BNC2: variants seen among roughly 807,000 people sequenced by gnomAD.
The protein encoded by BNC2 is basonuclin zinc finger protein 2, also known as zinc finger protein basonuclin-2.
A neutral mutation model predicts 76.3 loss-of-function variants in BNC2; 20 were observed. That is an observed-to-expected ratio of 0.26 (90% CI 0.18 to 0.38). The LOEUF (loss-of-function observed/expected upper bound fraction) is 0.38. Among genes scored for constraint, BNC2 ranks in the 10% least tolerant of loss-of-function variants. The pLI, the probability that BNC2 is intolerant of heterozygous loss-of-function variation, is 1.00. For synonymous variants in BNC2, 582 were observed against 514.8 expected (o/e 1.13, Z -1.77); for missense variants, 1,382 against 1,399.8 (o/e 0.99, Z 0.20).
chr9:16,428,159 A>C (rs537679011), intron 6 of BNC2, among the ~76,000 whole-genome samples: 13 of 152,182 alleles, frequency 8.5e-5, no homozygotes, highest in Non-Finnish European at 1.6e-4. Context: ...ATAGAACAAA[A>C]GTGCTCTCTC....
intron 6 of BNC2, among the ~76,000 whole-genome samples, chr9:16,424,525 T>A (rs1199227820): frequency 6.6e-6 from 1 of 152,168 alleles, no homozygotes; most frequent in African/African-American, 2.4e-5. Flanking sequence ...ACACACACAT[T>A]CACAAATTCT....
intron 3 of BNC2, among the ~76,000 whole-genome samples, chr9:16,671,800 C>A (rs948217173): frequency 6.6e-6 from 1 of 152,198 alleles, no homozygotes; most frequent in Non-Finnish European, 1.5e-5. Context: ...ACTGGTTTGA[C>A]AAGTACTGTT....
chr9:16,864,496 G>C (rs547512806), intron 1 of BNC2, among the ~76,000 whole-genome samples: 1 of 152,216 alleles, frequency 6.6e-6, no homozygotes, highest in African/African-American at 2.4e-5. Flanking sequence ...GACAAGCCCC[G>C]CACAGGCAAA....
intron 4 of BNC2, among the ~76,000 whole-genome samples, chr9:16,559,964 A>G (rs568378908): frequency 5.9e-5 from 9 of 152,378 alleles, no homozygotes; most frequent in Non-Finnish European, 1.0e-4. Flanking sequence ...AGAGAGGGCA[A>G]TGCTGCCGGG....
chr9:16,726,240 A>G (rs1417097054), intron 3 of BNC2, among the ~76,000 whole-genome samples: 1 of 152,240 alleles, frequency 6.6e-6, no homozygotes, highest in Non-Finnish European at 1.5e-5. Flanking sequence ...GAAATTGCAC[A>G]TGAAGAGTTA....
intron 1 of BNC2, among the ~76,000 whole-genome samples, chr9:16,848,998 T>C (rs967411042): frequency 1.3e-5 from 2 of 152,170 alleles, no homozygotes; most frequent in African/African-American, 4.8e-5. Context: ...TACCCCATTA[T>C]GTAAATGTAA....
intron 3 of BNC2, among the ~76,000 whole-genome samples, chr9:16,645,546 T>A (rs1821600194): frequency 6.6e-6 from 1 of 152,118 alleles, no homozygotes; most frequent in Admixed American, 6.5e-5. Context: ...GTCCAGAAAG[T>A]ATTTGTGGGA....
rs766109513 is a variant in BNC2 at position 16,419,477 on chromosome 9, G to T, written c.2812C>A (p.Pro938Thr). 2 of 1,614,108 alleles carry T rather than the reference G, an allele frequency of 1.2e-6. No homozygotes were observed. The highest frequency in any genetic ancestry group is 4.5e-5 in the East Asian group (2 of 44,856). ...GLDVREDASSPAGTEDSHLNG... is the reference protein window; with the variant it reads ...GLDVREDASSTAGTEDSHLNG... ...AGGTGGGAGTCTTCAGTCCCTGCGG[G>T]AGAGGAGGCGTCTTCCCTGACATCG... is the stretch of plus-strand genomic sequence containing the variant. The change falls in exon 7 of 7, where the codon CCC becomes ACC. Residue 938 changes from proline to threonine, a missense_variant. This residue lies in a region of BNC2 where 798 missense variants were observed against 775.5 expected (regional missense o/e 1.03). Transcript: ENST00000380672.
chr9:16,791,131 G>C (rs916265250), intron 1 of BNC2, among the ~76,000 whole-genome samples: 15 of 151,816 alleles, frequency 9.9e-5, no homozygotes, highest in African/African-American at 3.4e-4. Context: ...GCATGATCTC[G>C]GCTCACTGTA....
At chr9:16,546,910 A>G (rs567307031) in intron 5 of BNC2, among the ~76,000 whole-genome samples, 2 of 152,304 alleles carry the variant, frequency 1.3e-5, no homozygotes, top group South Asian at 2.1e-4. Context: ...ACTTCAAAAC[A>G]TCCTCCTTCC....
intron 5 of BNC2, among the ~76,000 whole-genome samples, chr9:16,455,137 T>C (rs1162494041): frequency 2.6e-5 from 4 of 152,202 alleles, no homozygotes; most frequent in African/African-American, 9.7e-5. Flanking sequence ...TTTCCAATTG[T>C]GGGCAAAAAC....
chr9:16,484,957 ATGTT>A (rs1360119707), intron 5 of BNC2, among the ~76,000 whole-genome samples: 2 of 152,306 alleles, frequency 1.3e-5, no homozygotes, highest in South Asian at 2.1e-4. Flanking sequence ...GGGAGCTTGA[ATGTT>A]TGTTTGAGAA....
chr9:16,807,009 C>CT (rs35272268), intron 1 of BNC2, among the ~76,000 whole-genome samples: 75,224 of 152,080 alleles, frequency 0.49, 24,944 homozygotes, highest in Non-Finnish European at 0.75. Context: ...ACTTTCTTCT[C>CT]TTTTTTTCAG....
chr9:16,635,297 T>C lies in BNC2; in HGVS notation c.331-52212A>G, dbSNP rs779828916. 7.2e-5 allele frequency among the ~76,000 whole-genome samples: 11 copies of C among 152,322 alleles called. No homozygotes were observed. The South Asian group carries it at 1.5e-3, about 20-fold the overall frequency. On this transcript the variant is annotated intron_variant, in intron 3 of 6. Transcript: ENST00000380672. The stretch of plus-strand genomic sequence containing the variant: ...ATTCAGAAATTACTCTGAACACTAG[T>C]AGGTTAACAGTGCTCCTGCATAAAC...
intron 3 of BNC2, among the ~76,000 whole-genome samples, chr9:16,640,156 C>T (rs1050362417): frequency 6.6e-6 from 1 of 151,426 alleles, no homozygotes; most frequent in Admixed American, 6.6e-5. Flanking sequence ...TGCCAAGTCA[C>T]ATTTCAGGTT....
At chr9:16,659,817 C>T (rs1822056273) in intron 3 of BNC2, among the ~76,000 whole-genome samples, 1 of 152,122 alleles carries the variant, frequency 6.6e-6, no homozygotes, top group African/African-American at 2.4e-5. Context: ...CACTTCCCAT[C>T]CCCTTATTCT....
At chr9:16,757,883 G>A (rs1825433542) in intron 1 of BNC2, among the ~76,000 whole-genome samples, 1 of 152,156 alleles carries the variant, frequency 6.6e-6, no homozygotes, top group African/African-American at 2.4e-5. Flanking sequence ...AGAGTTTGGT[G>A]ATAATTTTAT....
At chr9:16,431,405 G>T in intron 6 of BNC2, 1 of 458,120 alleles carries the variant, frequency 2.2e-6, no homozygotes, top group Non-Finnish European at 4.6e-6. Flanking sequence ...ACACCCACCA[G>T]CTAATTCTGA....
At chr9:16,537,163 T>C (rs1158337548) in intron 5 of BNC2, among the ~76,000 whole-genome samples, 1 of 152,136 alleles carries the variant, frequency 6.6e-6, no homozygotes. Flanking sequence ...AAGATGTCTA[T>C]ACCATTTATA....
Sources: gnomAD v4.1 joint callset for allele counts (sites outside exome capture counted in the v4.1 genomes callset) on GRCh38, gnomAD v4.1.1 for gene constraint, gnomAD v4.1.1 regional missense constraint, MANE v1.5 for transcripts, NCBI Gene and HGNC (gene_info 2026-07-23, HGNC 2026-07-21) for gene names.